Variants in RASEF observed in about 807,000 individuals in gnomAD.
RASEF encodes the protein ras and EF-hand domain-containing protein.
In RASEF, 68 loss-of-function variants were observed where a neutral mutation model predicts 90.1. That is an observed-to-expected ratio of 0.75 (90% CI 0.62 to 0.92). The LOEUF is 0.92. Ranked by LOEUF, RASEF falls within the 40% of genes least tolerant of loss-of-function variation. RASEF has a pLI of 0.00. For missense variants in RASEF, 949 were observed against 937.2 expected (o/e 1.01, Z -0.16); for synonymous variants, 331 against 345.2 (o/e 0.96, Z 0.46).
chr9:83,064,316 C>T (rs1193204262), upstream of RASEF, among the ~76,000 whole-genome samples: 2 of 152,174 alleles, frequency 1.3e-5, no homozygotes, highest in Non-Finnish European at 2.9e-5. Flanking sequence ...AGAGGCATTC[C>T]ATTAGAAGTC....
chr9:83,147,205 A>C, the RASEF span, among the ~76,000 whole-genome samples: 1 of 152,044 alleles, frequency 6.6e-6, no homozygotes, highest in African/African-American at 2.4e-5. Flanking sequence ...CAGGAGCCTG[A>C]TATTTTTAGA....
intron 14 of RASEF, among the ~76,000 whole-genome samples, chr9:82,994,816 C>A (rs957074445): frequency 6.6e-6 from 1 of 152,134 alleles, no homozygotes; most frequent in African/African-American, 2.4e-5. Flanking sequence ...TTTAACTCAG[C>A]AGTTTTCCAT....
chr9:83,202,655 T>G, the RASEF span, among the ~76,000 whole-genome samples: 1 of 152,112 alleles, frequency 6.6e-6, no homozygotes, highest in Admixed American at 6.6e-5. Context: ...TTTTTGTTTG[T>G]TTGTTTGTTT....
the RASEF span, among the ~76,000 whole-genome samples, chr9:83,071,725 T>C: frequency 2.0e-5 from 3 of 152,180 alleles, no homozygotes; most frequent in African/African-American, 7.2e-5. Flanking sequence ...TTGTTAACAG[T>C]GGTGAATTAT....
chr9:83,134,447 C>CAT, the RASEF span, among the ~76,000 whole-genome samples: 160 of 148,370 alleles, frequency 1.1e-3, no homozygotes, highest in African/African-American at 4.0e-3. Context: ...CACACACACA[C>CAT]ACATATATAT....
the RASEF span, among the ~76,000 whole-genome samples, chr9:83,113,901 T>C: frequency 3.0e-4 from 46 of 152,230 alleles, no homozygotes; most frequent in Non-Finnish European, 2.4e-4. Flanking sequence ...CATGTGATCC[T>C]TGTTACCTAC....
the RASEF span, among the ~76,000 whole-genome samples, chr9:83,142,229 C>T: frequency 2.0e-5 from 3 of 152,286 alleles, no homozygotes; most frequent in East Asian, 5.8e-4. Flanking sequence ...TGAAATCAAG[C>T]TTCCTCTGTG....
the RASEF span, among the ~76,000 whole-genome samples, chr9:83,143,191 C>A: frequency 6.6e-6 from 1 of 152,050 alleles, no homozygotes; most frequent in Non-Finnish European, 1.5e-5. Context: ...TGAAGCAAAC[C>A]CTGCTTGCAC....
intron 1 of RASEF, among the ~76,000 whole-genome samples, chr9:83,034,773 C>T (rs1219060661): frequency 2.0e-5 from 3 of 152,190 alleles, no homozygotes; most frequent in Admixed American, 2.0e-4. Context: ...GCTTCCTCCA[C>T]CACATCTGCT....
chr9:83,088,258 T>C, the RASEF span, among the ~76,000 whole-genome samples: 1 of 152,054 alleles, frequency 6.6e-6, no homozygotes, highest in Non-Finnish European at 1.5e-5. Context: ...TGTAGATATC[T>C]ATATATCTCT....
At chr9:83,201,259 C>A in the RASEF span, 1 of 152,280 alleles carries the variant, frequency 6.6e-6, no homozygotes, top group Non-Finnish European at 1.5e-5. Flanking sequence ...CTCCACACAG[C>A]CCACTGCATT....
In RASEF at chr9:83,048,951, C is replaced by T. The variant is rs543527355; in HGVS notation, c.431+13486G>A. The T allele has an allele frequency of 9.0e-4, 155 of 172,760 alleles. 1 individual carries two copies. The highest frequency in any genetic ancestry group is 2.9e-3 in the South Asian group (15 of 5,190). 10.7% of individuals were successfully genotyped at this position (172,760 alleles called of 1,614,324 possible). A position where few individuals can be genotyped will look rare whatever the true frequency, so the allele number is the denominator to read the frequency against. ...CGAGACCAGCATGGCCAACACAGTA[C>T]TATCTGTACTAAAAATACAAAAATT... On this transcript the variant is annotated intron_variant, in intron 1 of 16. Transcript: ENST00000376447.
At chr9:83,068,921 T>A in the RASEF span, among the ~76,000 whole-genome samples, 1 of 152,244 alleles carries the variant, frequency 6.6e-6, no homozygotes, top group Non-Finnish European at 1.5e-5. Flanking sequence ...CAAGTTTATG[T>A]TAAAATAAGT....
At chr9:83,121,945 G>A in the RASEF span, among the ~76,000 whole-genome samples, 1 of 152,222 alleles carries the variant, frequency 6.6e-6, no homozygotes, top group Non-Finnish European at 1.5e-5. Flanking sequence ...ATTGTAAAAT[G>A]AGGAAAATAA....
chr9:83,011,570 A>AAAC, intron 5 of RASEF, among the ~76,000 whole-genome samples: 1 of 150,738 alleles, frequency 6.6e-6, no homozygotes, highest in East Asian at 1.9e-4. Flanking sequence ...AAAAAAAAAA[A>AAAC]AAAAAACTGA....
the RASEF span, among the ~76,000 whole-genome samples, chr9:83,097,223 G>A: frequency 1.3e-5 from 2 of 152,154 alleles, no homozygotes; most frequent in Non-Finnish European, 2.9e-5. Context: ...CTTCCACAAT[G>A]GTTGAACTAG....
At chr9:83,067,578 G>A (rs147650813), upstream of RASEF, among the ~76,000 whole-genome samples, 5 of 152,232 alleles carry the variant, frequency 3.3e-5, no homozygotes, top group East Asian at 3.9e-4. Flanking sequence ...TATAATTAAT[G>A]TATAGCATTG....
the RASEF span, among the ~76,000 whole-genome samples, chr9:83,148,406 G>T: frequency 6.6e-6 from 1 of 152,066 alleles, no homozygotes; most frequent in Non-Finnish European, 1.5e-5. Flanking sequence ...GGGAAAATTT[G>T]GATACAGGAA....
chr9:83,140,878 C>A, the RASEF span, among the ~76,000 whole-genome samples: 2 of 152,094 alleles, frequency 1.3e-5, no homozygotes, highest in Non-Finnish European at 2.9e-5. Context: ...GATAGGGGCT[C>A]ATGGCTGTAG....
Sources: allele counts gnomAD v4.1 joint callset (sites outside exome capture counted in the v4.1 genomes callset), GRCh38; gene constraint gnomAD v4.1.1; transcripts MANE v1.5; gene names NCBI Gene and HGNC (gene_info 2026-07-23, HGNC 2026-07-21).